Variants in MRTFA observed in about 807,000 individuals in gnomAD.
MRTFA encodes the protein myocardin related transcription factor A.
A neutral mutation model predicts 83.5 loss-of-function variants in MRTFA; 20 were observed. That is an observed-to-expected ratio of 0.24 (90% CI 0.17 to 0.35). The LOEUF is 0.35. MRTFA is among the 10% of genes least tolerant of loss of function. The pLI, the probability that MRTFA is intolerant of heterozygous loss-of-function variation, is 1.00. For synonymous variants in MRTFA, 659 were observed against 541.2 expected (o/e 1.22, Z -3.02); for missense variants, 1,200 against 1,224.7 (o/e 0.98, Z 0.30).
chr22:40,617,677 A>AG (rs957745690), intron 1 of MRTFA, among the ~76,000 whole-genome samples: 1 of 149,432 alleles, frequency 6.7e-6, no homozygotes, highest in Non-Finnish European at 1.5e-5. Context: ...CAGTGAGCCG[A>AG]GATCTCACCA....
At chr22:40,468,808 A>G (rs1391147220) in intron 3 of MRTFA, among the ~76,000 whole-genome samples, 1 of 152,170 alleles carries the variant, frequency 6.6e-6, no homozygotes, top group Non-Finnish European at 1.5e-5. Flanking sequence ...CCACTCAGAT[A>G]TTTGGCTTCC....
intron 1 of MRTFA, among the ~76,000 whole-genome samples, chr22:40,614,541 G>A (rs1160739613): frequency 6.6e-6 from 1 of 152,156 alleles, no homozygotes; most frequent in Non-Finnish European, 1.5e-5. Context: ...AGACTGGAGT[G>A]CAATGGCGCG....
intron 1 of MRTFA, among the ~76,000 whole-genome samples, chr22:40,626,703 G>A (rs1010800471): frequency 1.3e-5 from 2 of 151,984 alleles, no homozygotes; most frequent in African/African-American, 2.4e-5. Flanking sequence ...AACTAAATAC[G>A]AAACACAAAG....
intron 1 of MRTFA, among the ~76,000 whole-genome samples, chr22:40,599,849 T>A (rs913984406): frequency 1.3e-5 from 2 of 150,048 alleles, no homozygotes; most frequent in African/African-American, 2.5e-5. Flanking sequence ...CAGCGAGCTA[T>A]GATTACACCA....
intron 4 of MRTFA, among the ~76,000 whole-genome samples, chr22:40,461,723 C>T (rs549911890): frequency 2.6e-5 from 4 of 151,788 alleles, no homozygotes; most frequent in East Asian, 1.9e-4. Context: ...GGCGTGAACC[C>T]GGGAGGCGGA....
chr22:40,411,486 C>T lies in MRTFA; in HGVS notation c.3000G>A (p.Leu1000=). Residue 1000 remains leucine, a synonymous_variant, in exon 15 of 15, where the codon CTG becomes CTA. Transcript: ENST00000355630. ...CTGTGGTGCTGAGGGGGGCTAGGCT[C>T]AGCACGGGACCACCTGACGACAGCT... 1.2e-6 allele frequency: 2 copies of T among 1,609,890 alleles called. No individual in the cohort carries two copies. Among genetic ancestry groups the T allele is most frequent in the Non-Finnish European group, 1.7e-6 (2 of 1,176,824 alleles).
At chr22:40,466,450 C>G (rs1229329670) in intron 3 of MRTFA, among the ~76,000 whole-genome samples, 2 of 152,164 alleles carry the variant, frequency 1.3e-5, no homozygotes, top group Admixed American at 6.5e-5. Flanking sequence ...TTCGTACCCA[C>G]ATTTCTGTGA....
At chr22:40,431,016 G>C (rs866854525) in intron 6 of MRTFA, among the ~76,000 whole-genome samples, 4 of 152,190 alleles carry the variant, frequency 2.6e-5, no homozygotes. Context: ...CCGAATGAAT[G>C]AATATAAAAA....
chr22:40,600,728 C>T lies in MRTFA; in HGVS notation c.-83-5993G>A, dbSNP rs12165514. On this transcript the variant is annotated intron_variant, in intron 1 of 14. Coordinates refer to ENST00000355630, the MANE Select transcript of MRTFA (RefSeq NM_020831.6). ...GGCTTGGTGGCTCACGCCTGTAATC[C>T]CAGAACTTTGGGAGGCCGAGGCAGG... Among the ~76,000 whole-genome samples, 1,312 of 152,250 alleles carry T rather than the reference C, an allele frequency of 8.6e-3. 13 individuals carry two copies. Among genetic ancestry groups the T allele is most frequent in the African/African-American group, 0.03 (1,255 of 41,536 alleles).
At chr22:40,569,678 G>T in intron 2 of MRTFA, 1 of 152,690 alleles carries the variant, frequency 6.5e-6, no homozygotes. Context: ...TTGCACCACT[G>T]CAGTCCAGCC....
intron 4 of MRTFA, among the ~76,000 whole-genome samples, chr22:40,462,737 C>G (rs1050505825): frequency 1.5e-4 from 23 of 152,294 alleles, no homozygotes; most frequent in African/African-American, 5.5e-4. Context: ...TGCTCACGCC[C>G]AGGCCAGCCT....
intron 4 of MRTFA, among the ~76,000 whole-genome samples, chr22:40,440,482 TTCTC>T (rs1196139474): frequency 6.6e-6 from 1 of 152,230 alleles, no homozygotes; most frequent in Non-Finnish European, 1.5e-5. Flanking sequence ...TTTTTAATTC[TTCTC>T]TCTGATAGCA....
intron 2 of MRTFA, among the ~76,000 whole-genome samples, chr22:40,555,314 G>A (rs891918640): frequency 6.6e-6 from 1 of 152,204 alleles, no homozygotes; most frequent in African/African-American, 2.4e-5. Flanking sequence ...CCCAGTGTTG[G>A]AGGCAGGGCC....
At chr22:40,458,647 G>T (rs1156965503) in intron 4 of MRTFA, among the ~76,000 whole-genome samples, 1 of 152,140 alleles carries the variant, frequency 6.6e-6, no homozygotes, top group Non-Finnish European at 1.5e-5. Context: ...CAAAGGAGAA[G>T]AATTTGATAA....
chr22:40,435,472 TTC>T, intron 5 of MRTFA, 25 bp downstream of exon 5: 1 of 1,612,194 alleles, frequency 6.2e-7, no homozygotes, highest in South Asian at 1.1e-5. Flanking sequence ...TCTTTGGGAG[TTC>T]TGAGGGGGAA....
At chr22:40,427,528 G>A (rs2052980397) in intron 7 of MRTFA, among the ~76,000 whole-genome samples, 1 of 152,210 alleles carries the variant, frequency 6.6e-6, no homozygotes, top group Admixed American at 6.5e-5. Context: ...AGGAGGGGCA[G>A]GCAGGTGCTG....
At position 40,411,196 on chromosome 22, in the gene MRTFA, G is replaced by A. The variant is rs957602772; in HGVS notation, c.*194C>T. 5 of 506,230 alleles carry A rather than the reference G, an allele frequency of 9.9e-6. No homozygotes were observed. The Admixed American group carries it at 1.1e-4, about 11-fold the overall frequency. The allele number at this position is 506,230 out of a possible 1,614,324, so 31.4% of individuals were successfully genotyped here. A position where few individuals can be genotyped will look rare whatever the true frequency, so the allele number is the denominator to read the frequency against. On this transcript the variant is annotated 3_prime_UTR_variant, in exon 15 of 15. Coordinates refer to ENST00000355630, the MANE Select transcript of MRTFA (RefSeq NM_020831.6). ...GAGCCAGGGCTGCTTCTTGACAGCT[G>A]CTCTCCTCTGCCCTGCGTGGCACTG...
At chr22:40,527,689 G>A (rs575953188) in intron 3 of MRTFA, among the ~76,000 whole-genome samples, 3 of 151,462 alleles carry the variant, frequency 2.0e-5, no homozygotes, top group South Asian at 2.1e-4. Context: ...AACCCAGGAG[G>A]TGGAGCTTGC....
intron 3 of MRTFA, among the ~76,000 whole-genome samples, chr22:40,501,877 G>A (rs1292491508): frequency 1.0e-4 from 6 of 60,060 alleles, no homozygotes; most frequent in South Asian, 8.4e-4. Context: ...CCTCCCTCCC[G>A]GACGGGGCGG....
Sources: gnomAD v4.1 joint callset for allele counts (sites outside exome capture counted in the v4.1 genomes callset) on GRCh38, gnomAD v4.1.1 for gene constraint, MANE v1.5 for transcripts, NCBI Gene and HGNC (gene_info 2026-07-23, HGNC 2026-07-21) for gene names.